Variants in RPS6KA2 observed in about 807,000 individuals in gnomAD.
RPS6KA2 encodes ribosomal protein S6 kinase alpha-2.
A neutral mutation model predicts 91.8 loss-of-function variants in RPS6KA2; 42 were observed. That is an observed-to-expected ratio of 0.46 (90% CI 0.36 to 0.59). RPS6KA2 has a LOEUF of 0.59. RPS6KA2 is among the 20% of genes least tolerant of loss of function. The pLI, the probability that RPS6KA2 is intolerant of heterozygous loss-of-function variation, is 0.00. For missense variants in RPS6KA2, 798 were observed against 978.5 expected, an observed-to-expected ratio of 0.82 and a Z score of 2.46; for synonymous variants, 414 against 393.6, an observed-to-expected ratio of 1.05 and a Z score of -0.61.
At chr6:166,451,332 C>CGT (rs10663984) in intron 12 of RPS6KA2, 99 bp from the exon 13 acceptor site, 150,934 of 911,776 alleles carry the variant, frequency 0.17, 4,677 homozygotes, top group East Asian at 0.26. Context: ...TGTGCAAGTC[C>CGT]GTGTGTGTGT....
rs149145028 is a variant in RPS6KA2, at chr6:166,652,736, T to C, written c.124-113952A>G. Among the ~76,000 whole-genome samples, 84 of 152,258 alleles carry C rather than the reference T, an allele frequency of 5.5e-4. No individual in the cohort carries two copies. The East Asian group carries it at 0.011, about 21-fold the overall frequency. Reference sequence around the variant, plus strand: ...AGTAATTTCAGGCGGGGCCCAGAGATCATGGAAGAGATGCGGGTAGTGGTG... The same window carrying C: ...AGTAATTTCAGGCGGGGCCCAGAGACCATGGAAGAGATGCGGGTAGTGGTG... On this transcript the variant is annotated intron_variant, in intron 2 of 21. Transcript: ENST00000503859.
chr6:166,727,006 T>C (rs1220918376), intron 2 of RPS6KA2, among the ~76,000 whole-genome samples: 1 of 152,144 alleles, frequency 6.6e-6, no homozygotes, highest in Non-Finnish European at 1.5e-5. Flanking sequence ...CCTCCACTGA[T>C]CAGAAACTTA....
In RPS6KA2 at chr6:166,830,612, T is replaced by C. The variant is rs1019938560; in HGVS notation, c.123+27588A>G. 4.6e-5 allele frequency among the ~76,000 whole-genome samples: 7 copies of C among 152,330 alleles called. No homozygotes were observed. The South Asian group carries it at 6.2e-4, about 14-fold the overall frequency. On this transcript the variant is annotated intron_variant, in intron 2 of 21. Coordinates refer to the RPS6KA2 transcript ENST00000503859. Reference sequence around the variant, plus strand: ...CAAGAAATGACACATGCAGAGTTCATGGACAATTTCCTACGAGGCAAGGGA... The same window carrying C: ...CAAGAAATGACACATGCAGAGTTCACGGACAATTTCCTACGAGGCAAGGGA...
chr6:166,610,629 T>C (rs1786137335), intron 1 of RPS6KA2, among the ~76,000 whole-genome samples: 2 of 152,198 alleles, frequency 1.3e-5, no homozygotes, highest in South Asian at 4.1e-4. Context: ...CCTATATTAA[T>C]AACAAATTCC....
intron 2 of RPS6KA2, among the ~76,000 whole-genome samples, chr6:166,714,336 G>A (rs369401592): frequency 6.6e-6 from 1 of 152,180 alleles, no homozygotes; most frequent in African/African-American, 2.4e-5. Flanking sequence ...TCTTGTTTCG[G>A]GTCCTGGGAA....
chr6:166,778,538 G>A (rs1273875467), intron 2 of RPS6KA2, among the ~76,000 whole-genome samples: 7 of 152,174 alleles, frequency 4.6e-5, no homozygotes, highest in African/African-American at 1.7e-4. Flanking sequence ...GGCCGAGATG[G>A]GTGGATCACC....
chr6:166,681,682 C>G (rs1269305428), intron 2 of RPS6KA2, among the ~76,000 whole-genome samples: 1 of 34,860 alleles, frequency 2.9e-5, no homozygotes, highest in African/African-American at 1.7e-4. Context: ...CTGGATCTCC[C>G]CCTGCCCGCC....
intron 2 of RPS6KA2, among the ~76,000 whole-genome samples, chr6:166,791,329 T>C (rs1478990333): frequency 6.6e-6 from 1 of 152,124 alleles, no homozygotes; most frequent in Non-Finnish European, 1.5e-5. Flanking sequence ...CCTAAATATA[T>C]ATGCACCCAA....
At chr6:166,569,556 A>C (rs1244753912) in intron 1 of RPS6KA2, among the ~76,000 whole-genome samples, 2 of 151,960 alleles carry the variant, frequency 1.3e-5, no homozygotes, top group Non-Finnish European at 2.9e-5. Flanking sequence ...AGGCATTCTC[A>C]CCACCCTCTT....
At chr6:166,574,203 T>G (rs1784774655) in intron 1 of RPS6KA2, among the ~76,000 whole-genome samples, 1 of 152,138 alleles carries the variant, frequency 6.6e-6, no homozygotes, top group Admixed American at 6.5e-5. Flanking sequence ...CATGTGCAGG[T>G]TTGTTACGTG....
chr6:166,716,549 C>T (rs1790018971), intron 2 of RPS6KA2, among the ~76,000 whole-genome samples: 1 of 152,206 alleles, frequency 6.6e-6, no homozygotes, highest in African/African-American at 2.4e-5. Flanking sequence ...TCTTATGGGA[C>T]CACCTTCAGA....
chr6:166,562,059 G>A (rs560832012), intron 1 of RPS6KA2, among the ~76,000 whole-genome samples: 5 of 152,106 alleles, frequency 3.3e-5, no homozygotes, highest in African/African-American at 1.2e-4. Flanking sequence ...GGGGAGGGAG[G>A]AACACAGTCA....
chr6:166,544,494 G>C (rs933554263), intron 1 of RPS6KA2: 5 of 152,124 alleles, frequency 3.3e-5, no homozygotes, highest in Admixed American at 2.0e-4. Context: ...TCCTCCAGTA[G>C]GCCGTTTTTG....
At chr6:166,853,861 T>C (rs576709983) in intron 2 of RPS6KA2, among the ~76,000 whole-genome samples, 1 of 152,306 alleles carries the variant, frequency 6.6e-6, no homozygotes, top group Admixed American at 6.5e-5. Flanking sequence ...TTTGCCTCAG[T>C]ACACATGGCC....
chr6:166,556,871 A>G (rs1180733774), intron 1 of RPS6KA2, among the ~76,000 whole-genome samples: 3 of 152,232 alleles, frequency 2.0e-5, no homozygotes, highest in Non-Finnish European at 4.4e-5. Flanking sequence ...TAAAAGTACA[A>G]TCCCCTAATG....
chr6:166,594,993 C>A (rs1198382447), intron 1 of RPS6KA2, among the ~76,000 whole-genome samples: 1 of 152,126 alleles, frequency 6.6e-6, no homozygotes, highest in African/African-American at 2.4e-5. Flanking sequence ...GTGACCTAAG[C>A]CAAAGTTCTT....
chr6:166,471,921 CA>C (rs1780785765), intron 10 of RPS6KA2, among the ~76,000 whole-genome samples: 1 of 152,250 alleles, frequency 6.6e-6, no homozygotes, highest in Non-Finnish European at 1.5e-5. Flanking sequence ...GCAATCGCAG[CA>C]GCTGGCATGA....
At chr6:166,569,732 CTGCACGG>C in intron 1 of RPS6KA2, among the ~76,000 whole-genome samples, 1 of 152,304 alleles carries the variant, frequency 6.6e-6, no homozygotes, top group African/African-American at 2.4e-5. Context: ...TATACTTACT[CTGCACGG>C]TGATTCGGGA....
At chr6:166,601,918 T>C (rs776355765) in intron 1 of RPS6KA2, among the ~76,000 whole-genome samples, 4 of 152,166 alleles carry the variant, frequency 2.6e-5, no homozygotes, top group Non-Finnish European at 5.9e-5. Context: ...AAAACTTCTG[T>C]ATAAAAAAGT....
Sources: gnomAD v4.1 joint callset for allele counts (sites outside exome capture counted in the v4.1 genomes callset) on GRCh38, gnomAD v4.1.1 for gene constraint, MANE v1.5 for transcripts, NCBI Gene and HGNC (gene_info 2026-07-23, HGNC 2026-07-21) for gene names.